Variants in SHPRH observed in about 807,000 individuals in gnomAD.
SHPRH encodes the protein SNF2 histone linker PHD RING helicase, also known as E3 ubiquitin-protein ligase SHPRH.
SHPRH carries 106 observed loss-of-function variants against 202.5 expected under a neutral mutation model. The ratio of observed to expected loss-of-function variants is 0.52; its 90% CI spans 0.45 to 0.62. SHPRH has a LOEUF of 0.62. Ranked by LOEUF, SHPRH falls within the 20% of genes least tolerant of loss-of-function variation. SHPRH has a pLI of 0.00. For missense variants in SHPRH, 1,710 were observed against 2,020.0 expected (o/e 0.85, Z 2.94); for synonymous variants, 729 against 686.0 (o/e 1.06, Z -0.98).
intron 1 of SHPRH, among the ~76,000 whole-genome samples, chr6:145,961,729 G>A (rs1383422846): frequency 6.6e-6 from 1 of 151,748 alleles, no homozygotes; most frequent in Non-Finnish European, 1.5e-5. Flanking sequence ...CTGCAGAAAA[G>A]TCAACACCAG....
chr6:145,880,018 TGAGG>T (rs2128698928), downstream of SHPRH, among the ~76,000 whole-genome samples: 1 of 151,342 alleles, frequency 6.6e-6, no homozygotes, highest in East Asian at 1.9e-4. Context: ...CTCTACCCAA[TGAGG>T]GAGAAAACAA....
chr6:145,932,390 G>C (rs920837153), intron 14 of SHPRH, among the ~76,000 whole-genome samples: 2 of 152,110 alleles, frequency 1.3e-5, no homozygotes, highest in Non-Finnish European at 2.9e-5. Flanking sequence ...CAAAAAAAGT[G>C]ATCCGTGAGA....
intron 29 of SHPRH, among the ~76,000 whole-genome samples, chr6:145,887,354 C>CT (rs1168407168): frequency 6.6e-6 from 1 of 152,006 alleles, no homozygotes; most frequent in African/African-American, 2.4e-5. Context: ...CCATCCAATC[C>CT]TACCTACCTC....
intron 25 of SHPRH, chr6:145,909,628 A>T (rs1358565859): frequency 2.6e-5 from 4 of 152,058 alleles, no homozygotes. Flanking sequence ...AGTATCAAAA[A>T]CTCAGAAGGA....
chr6:145,961,401 T>A (rs1789076831), intron 1 of SHPRH, among the ~76,000 whole-genome samples: 1 of 152,136 alleles, frequency 6.6e-6, no homozygotes, highest in Admixed American at 6.6e-5. Flanking sequence ...AGCTGCCAAC[T>A]AAAATCCACT....
downstream of SHPRH, chr6:145,883,591 T>C (rs1780747373): frequency 6.6e-6 from 1 of 152,230 alleles, no homozygotes; most frequent in African/African-American, 2.4e-5. Flanking sequence ...AGCATTCATG[T>C]GGGCTTCACA....
At chr6:145,887,897 C>T in intron 29 of SHPRH, 123 bp downstream of exon 29, 1 of 700,636 alleles carries the variant, frequency 1.4e-6, no homozygotes, top group Non-Finnish European at 2.4e-6. Context: ...AAACGTCAGA[C>T]TTTGCTTTTA....
intron 23 of SHPRH, among the ~76,000 whole-genome samples, chr6:145,915,255 C>G (rs1198077312): frequency 6.7e-6 from 1 of 150,042 alleles, no homozygotes; most frequent in South Asian, 2.1e-4. Context: ...CTCTGCTTAC[C>G]TCTTTCCTTT....
intron 25 of SHPRH, among the ~76,000 whole-genome samples, chr6:145,901,911 G>A (rs139805557): frequency 3.9e-5 from 6 of 152,048 alleles, no homozygotes; most frequent in Non-Finnish European, 5.9e-5. Flanking sequence ...TTGGAATAAC[G>A]ACACAGCTTC....
downstream of SHPRH, among the ~76,000 whole-genome samples, chr6:145,863,826 G>A (rs915413772): frequency 6.6e-6 from 1 of 152,174 alleles, no homozygotes; most frequent in African/African-American, 2.4e-5. Flanking sequence ...ACTGTCCTTA[G>A]TAATTCATTA....
At chr6:145,862,188 A>G (rs2265916), downstream of SHPRH, among the ~76,000 whole-genome samples, 60,381 of 151,772 alleles carry the variant, frequency 0.4, 12,237 homozygotes, top group South Asian at 0.49. Context: ...AAGGCCGGGC[A>G]CGGTGGCTCA....
downstream of SHPRH, among the ~76,000 whole-genome samples, chr6:145,862,405 G>C (rs1225963374): frequency 6.7e-6 from 1 of 149,236 alleles, no homozygotes; most frequent in Non-Finnish European, 1.5e-5. Flanking sequence ...AGTGAGCCGA[G>C]ACTCCGTCTC....
downstream of SHPRH, among the ~76,000 whole-genome samples, chr6:145,882,627 G>GCT (rs1339949612): frequency 6.6e-6 from 1 of 152,158 alleles, no homozygotes; most frequent in Non-Finnish European, 1.5e-5. Flanking sequence ...AGGCAATGAT[G>GCT]CTCTCAGTCA....
At chr6:145,959,551 T>G (rs1788874899) in intron 1 of SHPRH, among the ~76,000 whole-genome samples, 1 of 152,120 alleles carries the variant, frequency 6.6e-6, no homozygotes, top group Non-Finnish European at 1.5e-5. Flanking sequence ...TATGATGCAT[T>G]CCTCAAAACA....
chr6:145,899,131 T>G (rs527349500), intron 25 of SHPRH, among the ~76,000 whole-genome samples: 3 of 152,014 alleles, frequency 2.0e-5, no homozygotes, highest in Non-Finnish European at 4.4e-5. Flanking sequence ...CTTTTATTTA[T>G]AAATTACCCA....
At chr6:145,953,936 G>C (rs1226846718) in intron 2 of SHPRH, among the ~76,000 whole-genome samples, 2 of 151,598 alleles carry the variant, frequency 1.3e-5, no homozygotes, top group Non-Finnish European at 2.9e-5. Context: ...AAGATGAAAG[G>C]CTTCATAGTT....
intron 2 of SHPRH, chr6:145,871,052 C>T (rs1023792020): frequency 8.5e-5 from 13 of 152,048 alleles, no homozygotes; most frequent in African/African-American, 2.9e-4. Context: ...AAGGAACATA[C>T]CTCAAAATAA....
chr6:145,932,263 A>G (rs971289911), intron 14 of SHPRH, among the ~76,000 whole-genome samples: 3 of 152,116 alleles, frequency 2.0e-5, no homozygotes, highest in African/African-American at 2.4e-5. Flanking sequence ...TGCCAGTTAT[A>G]TAACTTTGCT....
At chr6:145,861,416 ACTGG>A (rs1415372941), downstream of SHPRH, among the ~76,000 whole-genome samples, 1 of 151,986 alleles carries the variant, frequency 6.6e-6, no homozygotes, top group Non-Finnish European at 1.5e-5. Flanking sequence ...TACATGCTAG[ACTGG>A]CTATTATCAA....
Sources: allele counts gnomAD v4.1 joint callset (sites outside exome capture counted in the v4.1 genomes callset), GRCh38; gene constraint gnomAD v4.1.1; transcripts MANE v1.5; gene names NCBI Gene and HGNC (gene_info 2026-07-23, HGNC 2026-07-21).